Variants in SGCD observed in about 807,000 individuals in gnomAD.
SGCD encodes the protein delta-sarcoglycan.
A neutral mutation model predicts 36.6 loss-of-function variants in SGCD; 18 were observed. The ratio of observed to expected loss-of-function variants is 0.49; its 90% CI spans 0.34 to 0.73. The LOEUF is 0.73. Ranked by LOEUF, SGCD falls within the 30% of genes least tolerant of loss-of-function variation. The pLI is 0.01. For synonymous variants in SGCD, 133 were observed against 130.6 expected (o/e 1.02, Z -0.12); for missense variants, 387 against 346.7 (o/e 1.12, Z -0.92).
At chr5:155,921,302 G>T (rs1274308151) in intron 1 of SGCD, among the ~76,000 whole-genome samples, 1 of 152,108 alleles carries the variant, frequency 6.6e-6, no homozygotes, top group East Asian at 1.9e-4. Context: ...ACCAGATTTT[G>T]TTAGGTGAAG....
chr5:155,987,411 T>G (rs576208633), intron 1 of SGCD, among the ~76,000 whole-genome samples: 16 of 152,312 alleles, frequency 1.1e-4, no homozygotes, highest in Admixed American at 7.8e-4. Context: ...TGGTTTCTCA[T>G]TATCCTCTGG....
At chr5:156,233,848 G>C (rs1257825523) in intron 3 of SGCD, among the ~76,000 whole-genome samples, 1 of 152,158 alleles carries the variant, frequency 6.6e-6, no homozygotes, top group African/African-American at 2.4e-5. Context: ...TGGCCCCACT[G>C]CACTCTAGCA....
At chr5:155,915,549 T>C (rs1756718009) in intron 1 of SGCD, among the ~76,000 whole-genome samples, 1 of 152,208 alleles carries the variant, frequency 6.6e-6, no homozygotes, top group Non-Finnish European at 1.5e-5. Context: ...TTTAATTAAA[T>C]GTCTACAAAA....
intron 3 of SGCD, among the ~76,000 whole-genome samples, chr5:156,247,019 A>G (rs1765456447): frequency 1.3e-5 from 2 of 152,240 alleles, no homozygotes; most frequent in African/African-American, 4.8e-5. Context: ...TGGGGCACCA[A>G]TGGGCCTCTT....
At chr5:156,442,971 A>G (rs1753561968) in intron 3 of SGCD, among the ~76,000 whole-genome samples, 1 of 152,098 alleles carries the variant, frequency 6.6e-6, no homozygotes, top group Non-Finnish European at 1.5e-5. Context: ...GGATGTATAT[A>G]TTAATGCATG....
intron 3 of SGCD, among the ~76,000 whole-genome samples, chr5:156,142,950 CA>C (rs1322927511): frequency 1.3e-5 from 2 of 152,162 alleles, no homozygotes; most frequent in African/African-American, 4.8e-5. Context: ...GAAAGGAAGA[CA>C]AATGCTGACA....
chr5:156,645,598 A>G (rs536876056), intron 6 of SGCD, among the ~76,000 whole-genome samples: 1 of 152,280 alleles, frequency 6.6e-6, no homozygotes, highest in South Asian at 2.1e-4. Context: ...GAGATAGTCT[A>G]GAGGAGTGAT....
At chr5:156,686,782 T>C (rs1162666732) in intron 7 of SGCD, among the ~76,000 whole-genome samples, 1 of 152,206 alleles carries the variant, frequency 6.6e-6, no homozygotes, top group African/African-American at 2.4e-5. Context: ...TGATCAGCTT[T>C]GTTTTAGAAA....
intron 3 of SGCD, among the ~76,000 whole-genome samples, chr5:156,460,423 T>A (rs142645787): frequency 1.3e-5 from 2 of 152,248 alleles, no homozygotes; most frequent in East Asian, 3.9e-4. Flanking sequence ...ATGGGAAAGA[T>A]CCACTGGATA....
At chr5:156,272,130 T>C (rs991755510) in intron 3 of SGCD, among the ~76,000 whole-genome samples, 1 of 152,206 alleles carries the variant, frequency 6.6e-6, no homozygotes, top group African/African-American at 2.4e-5. Context: ...CAGTGTACAC[T>C]GTACCCAATA....
chr5:156,244,959 C>G (rs1470625503), intron 3 of SGCD, among the ~76,000 whole-genome samples: 1 of 152,138 alleles, frequency 6.6e-6, no homozygotes, highest in Non-Finnish European at 1.5e-5. Flanking sequence ...CATTGGTAAA[C>G]ATTTTCAGTG....
At chr5:155,900,320 C>T (rs536742387) in intron 1 of SGCD, among the ~76,000 whole-genome samples, 1 of 152,184 alleles carries the variant, frequency 6.6e-6, no homozygotes, top group African/African-American at 2.4e-5. Context: ...AAATAGAGTA[C>T]AGAGAAAGCT....
At chr5:156,356,105 T>G (rs1365597635) in intron 3 of SGCD, among the ~76,000 whole-genome samples, 1 of 152,246 alleles carries the variant, frequency 6.6e-6, no homozygotes, top group Admixed American at 6.5e-5. Flanking sequence ...ATTTAATTAC[T>G]TAATGAATAA....
the SGCD span, among the ~76,000 whole-genome samples, chr5:155,818,275 A>G: frequency 6.6e-6 from 1 of 152,108 alleles, no homozygotes; most frequent in African/African-American, 2.4e-5. Context: ...CAAAGTCTTG[A>G]CAGGAGATTC....
chr5:155,785,980 A>G, the SGCD span, among the ~76,000 whole-genome samples: 1 of 152,144 alleles, frequency 6.6e-6, no homozygotes. Context: ...GATTTCACTA[A>G]TGTTACGTTG....
At chr5:156,094,785 G>T (rs1761335815) in intron 1 of SGCD, among the ~76,000 whole-genome samples, 1 of 152,126 alleles carries the variant, frequency 6.6e-6, no homozygotes, top group Non-Finnish European at 1.5e-5. Context: ...GGCAGATCAT[G>T]AGGTCAAGAG....
chr5:156,501,640 A>G (rs983393549), intron 3 of SGCD, among the ~76,000 whole-genome samples: 2 of 152,164 alleles, frequency 1.3e-5, no homozygotes, highest in African/African-American at 4.8e-5. Context: ...CTTTTCTGAA[A>G]GTTCTAACTG....
chr5:155,966,776 GTTAATA>G (rs1404793536), intron 1 of SGCD, among the ~76,000 whole-genome samples: 3 of 152,092 alleles, frequency 2.0e-5, no homozygotes, highest in African/African-American at 4.8e-5. Context: ...GTTGCCTAAT[GTTAATA>G]TTAATACTGG....
At chr5:156,364,861 C>T (rs1483949919) in intron 3 of SGCD, among the ~76,000 whole-genome samples, 1 of 152,140 alleles carries the variant, frequency 6.6e-6, no homozygotes, top group Admixed American at 6.5e-5. Context: ...CTGTAGAGAG[C>T]CTCCTTAGGA....
Sources: gnomAD v4.1 joint callset for allele counts (sites outside exome capture counted in the v4.1 genomes callset) on GRCh38, gnomAD v4.1.1 for gene constraint, MANE v1.5 for transcripts, NCBI Gene and HGNC (gene_info 2026-07-23, HGNC 2026-07-21) for gene names.